Variants in YJU2B observed in about 807,000 individuals in gnomAD.
YJU2B encodes YJU2 splicing factor homolog B.
Under a neutral mutation model 38.0 loss-of-function variants are expected in YJU2B, and 18 were observed. That is an observed-to-expected ratio of 0.47 (90% CI 0.33 to 0.70). The LOEUF is 0.70. YJU2B is among the 30% of genes least tolerant of loss of function. YJU2B has a pLI of 0.02. For synonymous variants in YJU2B, 246 were observed against 225.4 expected (o/e 1.09, Z -0.82); for missense variants, 538 against 556.3 (o/e 0.97, Z 0.33).
intron 1 of YJU2B, among the ~76,000 whole-genome samples, chr19:13,750,226 T>G (rs1027359952): frequency 4.0e-5 from 6 of 151,874 alleles, no homozygotes; most frequent in African/African-American, 9.7e-5. Context: ...AGTTCATTGG[T>G]TTTTTTTGTT....
In YJU2B at chr19:13,762,648, C is replaced by G; in HGVS notation, c.771C>G (p.Pro257=). 6.4e-7 allele frequency: 1 copy of G among 1,554,658 alleles called. No individual in the cohort carries two copies. Among genetic ancestry groups the G allele is most frequent in the Non-Finnish European group, 8.6e-7 (1 of 1,157,586 alleles). ...AGATCATCAGCCGCTCCTGGTTCCC[C>G]TCTGCCCCCGGATCCGCCTCCAGCA... ...RTEIISRSWF[P]SAPGSASSSK... is the part of the protein sequence containing the mutation. The change falls in exon 10 of 10, where the codon CCC becomes CCG. Residue 257 remains proline (P), a synonymous_variant. Coordinates refer to ENST00000221554, the MANE Select transcript of YJU2B (RefSeq NM_030818.4).
intron 8 of YJU2B, chr19:13,759,494 T>C (rs906519398): frequency 1.6e-5 from 8 of 501,802 alleles, no homozygotes; most frequent in African/African-American, 1.6e-4. Flanking sequence ...CTGGGCACAG[T>C]GACTCACGCC....
intron 2 of YJU2B, among the ~76,000 whole-genome samples, chr19:13,753,233 T>A (rs1973536236): frequency 6.6e-6 from 1 of 152,172 alleles, no homozygotes; most frequent in African/African-American, 2.4e-5. Context: ...CAAGTAGGTT[T>A]CCTGGAGGGA....
intron 3 of YJU2B, among the ~76,000 whole-genome samples, chr19:13,755,247 G>T (rs1973619934): frequency 6.6e-6 from 1 of 151,448 alleles, no homozygotes; most frequent in South Asian, 2.1e-4. Context: ...TGGATCACCA[G>T]GTCGAGAGTT....
intron 2 of YJU2B, among the ~76,000 whole-genome samples, chr19:13,733,712 A>T (rs145071158): frequency 1.3e-5 from 2 of 152,020 alleles, no homozygotes; most frequent in African/African-American, 4.8e-5. Flanking sequence ...CGAGAGTGAA[A>T]CTCCATCTCA....
intron 2 of YJU2B, among the ~76,000 whole-genome samples, chr19:13,735,191 C>T (rs973286448): frequency 6.6e-6 from 1 of 152,068 alleles, no homozygotes; most frequent in African/African-American, 2.4e-5. Context: ...GTGGTGGGCA[C>T]CTGTAGTCTC....
upstream of YJU2B, among the ~76,000 whole-genome samples, chr19:13,743,248 G>C (rs1461862216): frequency 6.6e-6 from 1 of 152,194 alleles, no homozygotes; most frequent in Non-Finnish European, 1.5e-5. Flanking sequence ...TAAAAAGGCA[G>C]GATATCTTAA....
At chr19:13,748,228 G>A (rs771203804) in intron 1 of YJU2B, among the ~76,000 whole-genome samples, 3 of 152,228 alleles carry the variant, frequency 2.0e-5, no homozygotes, top group South Asian at 2.1e-4. Flanking sequence ...GGGAAAATGG[G>A]ACCAATAAGT....
chr19:13,739,130 A>G (rs752744668), intron 2 of YJU2B, among the ~76,000 whole-genome samples: 8 of 152,130 alleles, frequency 5.3e-5, no homozygotes, highest in Admixed American at 6.6e-5. Context: ...TTGCACTCAA[A>G]TACATATAGC....
In YJU2B at chr19:13,759,092, C is replaced by T. The variant is rs374818294; in HGVS notation, c.401-8C>T. 23 of 1,613,388 alleles carry T rather than the reference C, an allele frequency of 1.4e-5. No homozygotes were observed. The highest frequency in any genetic ancestry group is 6.7e-5 in the Admixed American group (4 of 59,946). On this transcript the variant is annotated splice_region_variant and splice_polypyrimidine_tract_variant and intron_variant, in intron 7 of 9. Coordinates refer to ENST00000221554, the MANE Select transcript of YJU2B (RefSeq NM_030818.4). The stretch of plus-strand genomic sequence containing the variant: ...CCCCAAAGCCCAGCCGAGCTCTGAT[C>T]GTTGCAGAGCATGAGAAGAAGCAGA...
chr19:13,746,859 A>C (rs1009848488), upstream of YJU2B, among the ~76,000 whole-genome samples: 7 of 152,096 alleles, frequency 4.6e-5, no homozygotes, highest in Non-Finnish European at 8.8e-5. Context: ...GTGAGCTGAG[A>C]TCACGCCATT....
intron 8 of YJU2B, among the ~76,000 whole-genome samples, chr19:13,761,835 T>C (rs1267275428): frequency 2.0e-5 from 3 of 151,894 alleles, no homozygotes; most frequent in Non-Finnish European, 2.9e-5. Context: ...GTGATTTTCA[T>C]GCCTCAGCCT....
In YJU2B at chr19:13,756,249, G is replaced by A. The variant is rs762811276; in HGVS notation, c.110G>A (p.Arg37Gln). ...AGCCACCCGCTTCGGGAGCGGGCTC[G>A]GAAGCTGTCACAGGGCATCCTCATC... The part of the protein sequence containing the change: ...HNSHPLRERA[R>Q]KLSQGILIIR... Residue 37 changes from arginine (R) to glutamine (Q), a missense_variant, in exon 4 of 10, where the codon CGG becomes CAG. Physicochemically the swap from Arg to Gln is conservative, Grantham distance 43. Transcript: ENST00000221554. 8.7e-6 allele frequency: 14 copies of A among 1,613,950 alleles called. No homozygotes were observed. The highest frequency in any genetic ancestry group is 2.2e-5 in the South Asian group (2 of 91,082).
At chr19:13,761,744 AAC>A (rs1940935039) in intron 8 of YJU2B, among the ~76,000 whole-genome samples, 1 of 118,082 alleles carries the variant, frequency 8.5e-6, no homozygotes, top group Non-Finnish European at 1.7e-5. Context: ...TTTTTTTTGA[AAC>A]AGTCTCCCCC....
intron 3 of YJU2B, among the ~76,000 whole-genome samples, chr19:13,754,947 C>G (rs573212602): frequency 6.6e-6 from 1 of 152,186 alleles, no homozygotes; most frequent in East Asian, 1.9e-4. Context: ...GCTGCCTCGT[C>G]CTGAGTATAG....
At chr19:13,757,898 A>C in intron 6 of YJU2B, 52 bp downstream of exon 6, 2 of 1,510,904 alleles carry the variant, frequency 1.3e-6, no homozygotes, top group South Asian at 1.1e-5. Context: ...CCACAGGGCG[A>C]GGGGGCTACA....
At chr19:13,744,073 C>T (rs1973167888), upstream of YJU2B, among the ~76,000 whole-genome samples, 1 of 151,704 alleles carries the variant, frequency 6.6e-6, no homozygotes, top group Non-Finnish European at 1.5e-5. Flanking sequence ...TGCCTGTAAT[C>T]CCAGCTACTT....
chr19:13,734,594 T>G (rs957488904), intron 2 of YJU2B, among the ~76,000 whole-genome samples: 3 of 151,566 alleles, frequency 2.0e-5, no homozygotes, highest in African/African-American at 7.3e-5. Context: ...CCGGCCCTTT[T>G]TTTGTTTGTT....
In YJU2B at chr19:13,757,408, G is replaced by A; in HGVS notation, c.141-10G>A. The stretch of plus-strand genomic sequence containing the variant: ...GACAAGTGCAAGTAAGATGCTGTCT[G>A]TCTTTGCAGATTCGAAATGCCATAT... On this transcript the variant is annotated splice_polypyrimidine_tract_variant and intron_variant, in intron 4 of 9. Transcript: ENST00000221554. 1 of 1,613,466 alleles carries A rather than the reference G, an allele frequency of 6.2e-7. No homozygotes were observed. The highest frequency in any genetic ancestry group is 1.1e-5 in the South Asian group (1 of 91,058).
Sources: gnomAD v4.1 joint callset for allele counts (sites outside exome capture counted in the v4.1 genomes callset) on GRCh38, gnomAD v4.1.1 for gene constraint, MANE v1.5 for transcripts, NCBI Gene and HGNC (gene_info 2026-07-23, HGNC 2026-07-21) for gene names.